The following NPAS3 variants were observed in gnomAD, a reference collection of about 807,000 sequenced individuals.
The protein encoded by NPAS3 is neuronal PAS domain protein 3.
NPAS3 carries 14 observed loss-of-function variants against 73.1 expected under a neutral mutation model. The observed-to-expected ratio is 0.19, with a 90% CI of 0.13 to 0.30. NPAS3 has a LOEUF of 0.30. Among genes scored for constraint, NPAS3 ranks in the 10% least tolerant of loss-of-function variants. The pLI is 1.00. For missense variants in NPAS3, 1,096 were observed against 1,250.0 expected (o/e 0.88, Z 1.86); for synonymous variants, 620 against 541.5 (o/e 1.14, Z -2.01).
intron 1 of NPAS3, among the ~76,000 whole-genome samples, chr14:32,948,982 C>T (rs1489544293): frequency 1.3e-5 from 2 of 151,986 alleles, no homozygotes; most frequent in African/African-American, 2.4e-5. Context: ...CTATGGTCAG[C>T]GTATTTTACT....
chr14:33,594,424 A>G (rs765523588), intron 5 of NPAS3, among the ~76,000 whole-genome samples: 109 of 152,070 alleles, frequency 7.2e-4, no homozygotes, highest in Non-Finnish European at 3.7e-4. Context: ...TTATGGTCTC[A>G]AACAAATCTT....
intron 3 of NPAS3, among the ~76,000 whole-genome samples, chr14:33,256,510 T>C (rs916042156): frequency 3.3e-5 from 5 of 152,182 alleles, no homozygotes; most frequent in Non-Finnish European, 7.4e-5. Context: ...GCATTATCAA[T>C]TGCAGTTTGT....
At chr14:33,268,254 G>T (rs2040905418) in intron 3 of NPAS3, among the ~76,000 whole-genome samples, 1 of 151,984 alleles carries the variant, frequency 6.6e-6, no homozygotes, top group South Asian at 2.1e-4. Flanking sequence ...CTTGTTACTG[G>T]CTGCTTTCTC....
In NPAS3 at chr14:32,949,273, T is replaced by C. The variant is rs117639838; in HGVS notation, c.50+9907T>C. ...GATTTTTAAAAGACTTTGTTTCAGA[T>C]CTCGGTAGTCCTGTGTTCCTTTTAA... On this transcript the variant is annotated intron_variant, in intron 1 of 11. Coordinates refer to ENST00000356141, the Ensembl canonical transcript of NPAS3. Among the ~76,000 whole-genome samples the C allele has an allele frequency of 1.1e-3, 171 of 152,194 alleles. No homozygotes were observed. In the East Asian group the frequency reaches 0.015, roughly 13 times the overall value.
chr14:33,406,744 G>A (rs186101396), intron 4 of NPAS3, among the ~76,000 whole-genome samples: 1 of 152,190 alleles, frequency 6.6e-6, no homozygotes, highest in Non-Finnish European at 1.5e-5. Flanking sequence ...CTCAAATCTG[G>A]GGTGGGGAGA....
chr14:32,992,433 G>A (rs2038372300), intron 1 of NPAS3, among the ~76,000 whole-genome samples: 1 of 152,156 alleles, frequency 6.6e-6, no homozygotes, highest in South Asian at 2.1e-4. Flanking sequence ...GGTAGGCACT[G>A]CCTAGCACCC....
intron 2 of NPAS3, among the ~76,000 whole-genome samples, chr14:33,171,291 T>A (rs2045378866): frequency 6.6e-6 from 1 of 152,218 alleles, no homozygotes. Flanking sequence ...CCAGCCTTCG[T>A]CGTTCCATTC....
chr14:33,260,494 A>C (rs370888483), intron 3 of NPAS3, among the ~76,000 whole-genome samples: 1 of 152,060 alleles, frequency 6.6e-6, no homozygotes, highest in East Asian at 1.9e-4. Flanking sequence ...GACTCAAATT[A>C]AGTTTTTCTT....
chr14:33,339,024 A>G (rs1357902826), intron 3 of NPAS3, among the ~76,000 whole-genome samples: 1 of 152,184 alleles, frequency 6.6e-6, no homozygotes, highest in Non-Finnish European at 1.5e-5. Context: ...ATTTTGTGCC[A>G]TATTATATTT....
intron 3 of NPAS3, among the ~76,000 whole-genome samples, chr14:33,325,866 T>C (rs1225746066): frequency 2.0e-5 from 3 of 152,006 alleles, no homozygotes; most frequent in African/African-American, 7.2e-5. Context: ...TCAAATATTT[T>C]GAAGTTATTT....
intron 6 of NPAS3, among the ~76,000 whole-genome samples, chr14:33,718,351 T>C (rs916718267): frequency 6.6e-6 from 1 of 152,204 alleles, no homozygotes; most frequent in African/African-American, 2.4e-5. Context: ...TTTTTATTCC[T>C]TGCCTAATTC....
intron 5 of NPAS3, among the ~76,000 whole-genome samples, chr14:33,659,132 G>T (rs1339217581): frequency 6.6e-6 from 1 of 152,174 alleles, no homozygotes. Flanking sequence ...TATGGCTGCT[G>T]CCCTGAAGAA....
intron 4 of NPAS3, among the ~76,000 whole-genome samples, chr14:33,454,826 A>C (rs575791674): frequency 6.6e-6 from 1 of 152,164 alleles, no homozygotes; most frequent in Non-Finnish European, 1.5e-5. Context: ...GAGAAAAATG[A>C]GGTGATACTG....
At chr14:33,175,868 A>G (rs2139407732) in intron 2 of NPAS3, among the ~76,000 whole-genome samples, 1 of 152,274 alleles carries the variant, frequency 6.6e-6, no homozygotes, top group Admixed American at 6.5e-5. Flanking sequence ...TAAAATCATA[A>G]ATTCTTTAGT....
chr14:33,243,373 G>T (rs1041779608), intron 3 of NPAS3, among the ~76,000 whole-genome samples: 41 of 149,470 alleles, frequency 2.7e-4, no homozygotes, highest in African/African-American at 8.3e-4. Flanking sequence ...TTTTTTTTTT[G>T]AATACCTACT....
chr14:33,084,140 C>T (rs777411332), intron 2 of NPAS3, among the ~76,000 whole-genome samples: 5 of 152,118 alleles, frequency 3.3e-5, no homozygotes, highest in Non-Finnish European at 7.4e-5. Flanking sequence ...AGTCTATTTC[C>T]AAACTTATTA....
intron 5 of NPAS3, among the ~76,000 whole-genome samples, chr14:33,571,369 G>C (rs2056207822): frequency 6.6e-6 from 1 of 152,132 alleles, no homozygotes; most frequent in Non-Finnish European, 1.5e-5. Context: ...CACTGGGGTA[G>C]GGCTCGAGGA....
chr14:33,452,027 A>G (rs1190242347), intron 4 of NPAS3, among the ~76,000 whole-genome samples: 7 of 152,232 alleles, frequency 4.6e-5, no homozygotes, highest in Admixed American at 4.6e-4. Context: ...TAGAAAAAGA[A>G]TGGTTGAGAA....
At chr14:33,623,747 C>T (rs936781319) in intron 5 of NPAS3, among the ~76,000 whole-genome samples, 6 of 152,170 alleles carry the variant, frequency 3.9e-5, no homozygotes, top group East Asian at 3.8e-4. Context: ...CCTATTATTT[C>T]GTTGTCTTTC....
Sources: allele counts gnomAD v4.1 joint callset (sites outside exome capture counted in the v4.1 genomes callset), GRCh38; gene constraint gnomAD v4.1.1; transcripts MANE v1.5; gene names NCBI Gene and HGNC (gene_info 2026-07-23, HGNC 2026-07-21).